TTC28: variants seen among roughly 807,000 people sequenced by gnomAD.
TTC28 encodes tetratricopeptide repeat domain 28, also known as tetratricopeptide repeat protein 28.
TTC28 carries 61 observed loss-of-function variants against 198.0 expected under a neutral mutation model. That is an observed-to-expected ratio of 0.31 (90% CI 0.25 to 0.38). TTC28 has a LOEUF of 0.38. Among genes scored for constraint, TTC28 ranks in the 10% least tolerant of loss-of-function variants. The pLI, the probability that TTC28 is intolerant of heterozygous loss-of-function variation, is 1.00. For missense variants in TTC28, 2,678 were observed against 3,164.0 expected, an observed-to-expected ratio of 0.85 and a Z score of 3.69; for synonymous variants, 1,171 against 1,297.8, an observed-to-expected ratio of 0.90 and a Z score of 2.10.
chr22:28,361,698 GA>G (rs2046161754), intron 2 of TTC28, among the ~76,000 whole-genome samples: 1 of 152,228 alleles, frequency 6.6e-6, no homozygotes, highest in Non-Finnish European at 1.5e-5. Flanking sequence ...CCTTCTATTG[GA>G]AGAGAAGCCA....
intron 2 of TTC28, among the ~76,000 whole-genome samples, chr22:28,436,034 C>G (rs2047514957): frequency 6.6e-6 from 1 of 152,164 alleles, no homozygotes; most frequent in South Asian, 2.1e-4. Flanking sequence ...GCGTTTAGTA[C>G]ATGCACAATA....
At chr22:28,575,205 G>A (rs2050126499) in intron 2 of TTC28, among the ~76,000 whole-genome samples, 1 of 151,924 alleles carries the variant, frequency 6.6e-6, no homozygotes, top group African/African-American at 2.4e-5. Context: ...GGTTTTTGTG[G>A]CAAGAGATAA....
At chr22:28,428,196 T>C (rs1339123284) in intron 2 of TTC28, among the ~76,000 whole-genome samples, 9 of 150,358 alleles carry the variant, frequency 6.0e-5, no homozygotes, top group Non-Finnish European at 1.3e-4. Flanking sequence ...GAGGTGAGTA[T>C]GTAGGAAAAT....
At chr22:28,028,426 A>G (rs1601532844) in intron 13 of TTC28, among the ~76,000 whole-genome samples, 3 of 152,344 alleles carry the variant, frequency 2.0e-5, no homozygotes, top group Admixed American at 2.0e-4. Flanking sequence ...TCCACCATTC[A>G]AAGTGCACAG....
intron 2 of TTC28, among the ~76,000 whole-genome samples, chr22:28,347,155 T>C (rs528093984): frequency 7.9e-5 from 12 of 151,698 alleles, no homozygotes; most frequent in Middle Eastern, 6.8e-3. Context: ...TCCCAGCTAC[T>C]TGGGAGGCTG....
chr22:28,372,258 G>T (rs1443474225), intron 2 of TTC28, among the ~76,000 whole-genome samples: 1 of 152,118 alleles, frequency 6.6e-6, no homozygotes, highest in Non-Finnish European at 1.5e-5. Flanking sequence ...AATTTAAGAG[G>T]TAGTACCCAT....
chr22:28,189,968 G>A (rs952078194), intron 5 of TTC28, among the ~76,000 whole-genome samples: 1 of 152,120 alleles, frequency 6.6e-6, no homozygotes, highest in African/African-American at 2.4e-5. Context: ...AAGATTCAAC[G>A]AGTCTAGTTA....
chr22:28,141,103 A>C (rs1456364733), intron 6 of TTC28, among the ~76,000 whole-genome samples: 1 of 152,124 alleles, frequency 6.6e-6, no homozygotes, highest in Non-Finnish European at 1.5e-5. Flanking sequence ...CAGAATTAGA[A>C]CCCAAATTTG....
chr22:28,482,198 A>C (rs2048256372), intron 2 of TTC28, among the ~76,000 whole-genome samples: 1 of 139,818 alleles, frequency 7.2e-6, no homozygotes, highest in Non-Finnish European at 1.5e-5. Flanking sequence ...AGAGATAGTA[A>C]TGGGCAGTCT....
rs149857165 is a variant in TTC28 at position 28,343,748 on chromosome 22, C to T, written c.382-37105G>A. Among the ~76,000 whole-genome samples the T allele has an allele frequency of 7.7e-3, 1,179 of 152,240 alleles. 5 individuals are homozygous for T. The highest frequency in any genetic ancestry group is 0.012 in the Non-Finnish European group (800 of 68,010). ...TCTGCACCAACATTTTCATTGAGTA[C>T]GTTCTGCCTACCAGATACAGCTGCT... On this transcript the variant is annotated intron_variant, in intron 2 of 22. Transcript: ENST00000397906.
At chr22:28,037,409 A>G (rs1372959745) in intron 12 of TTC28, among the ~76,000 whole-genome samples, 1 of 152,208 alleles carries the variant, frequency 6.6e-6, no homozygotes, top group East Asian at 1.9e-4. Context: ...AGAACCAATG[A>G]CAAAAACCAC....
intron 2 of TTC28, among the ~76,000 whole-genome samples, chr22:28,325,323 T>A (rs1245170444): frequency 6.6e-6 from 1 of 152,088 alleles, no homozygotes; most frequent in Admixed American, 6.6e-5. Context: ...GTGGTGATAA[T>A]CCCTTTATCA....
intron 3 of TTC28, among the ~76,000 whole-genome samples, chr22:28,299,791 G>A (rs568126739): frequency 6.6e-6 from 1 of 152,200 alleles, no homozygotes; most frequent in South Asian, 2.1e-4. Context: ...GGAAAGCTTG[G>A]GACATAACCA....
intron 2 of TTC28, among the ~76,000 whole-genome samples, chr22:28,620,073 C>T (rs536393233): frequency 1.3e-5 from 2 of 152,094 alleles, no homozygotes; most frequent in Non-Finnish European, 1.5e-5. Context: ...CAACATCGGC[C>T]GGGCACAGTG....
intron 6 of TTC28, among the ~76,000 whole-genome samples, chr22:28,112,464 G>C (rs552827755): frequency 7.9e-5 from 12 of 152,236 alleles, no homozygotes; most frequent in African/African-American, 2.4e-4. Flanking sequence ...ACTTTTCCAA[G>C]GGCCTGTAAA....
intron 2 of TTC28, among the ~76,000 whole-genome samples, chr22:28,389,761 C>G (rs1450488030): frequency 2.0e-5 from 3 of 148,994 alleles, no homozygotes; most frequent in Admixed American, 2.0e-4. Flanking sequence ...TGCTAGTGGT[C>G]TATCAATTTT....
chr22:28,325,820 C>A (rs1358211671), intron 2 of TTC28, among the ~76,000 whole-genome samples: 2 of 151,866 alleles, frequency 1.3e-5, no homozygotes, highest in Non-Finnish European at 2.9e-5. Flanking sequence ...GAATAGCAAA[C>A]AAATAAAAAA....
chr22:28,175,455 G>C (rs1923071596), intron 5 of TTC28, among the ~76,000 whole-genome samples: 1 of 152,204 alleles, frequency 6.6e-6, no homozygotes, highest in Non-Finnish European at 1.5e-5. Flanking sequence ...GGGCAGGCCA[G>C]GCCTGGTGGC....
chr22:28,429,776 C>T (rs2047405381), intron 2 of TTC28, among the ~76,000 whole-genome samples: 1 of 152,116 alleles, frequency 6.6e-6, no homozygotes, highest in South Asian at 2.1e-4. Context: ...TCTGTCTTCA[C>T]AAAAATGCCC....
Sources: allele counts gnomAD v4.1 joint callset (sites outside exome capture counted in the v4.1 genomes callset), GRCh38; gene constraint gnomAD v4.1.1; transcripts MANE v1.5; gene names NCBI Gene and HGNC (gene_info 2026-07-23, HGNC 2026-07-21).